Variants in AVP observed in about 807,000 individuals in gnomAD.
The protein encoded by AVP is vasopressin-neurophysin 2-copeptin.
A neutral mutation model predicts 11.1 loss-of-function variants in AVP; 9 were observed. The ratio of observed to expected loss-of-function variants is 0.81; its 90% confidence interval spans 0.49 to 1.42. AVP has a LOEUF of 1.42. Ranked by LOEUF, AVP falls within the 40% of genes most tolerant of loss-of-function variation. The pLI is 0.00. For synonymous variants in AVP, 106 were observed against 111.3 expected (o/e 0.95, Z 0.30); for missense variants, 206 against 238.5 (o/e 0.86, Z 0.90).
Position 3,082,564 on chromosome 20 carries a change from C to A in AVP, c.*66G>T. 1.6e-6 allele frequency: 2 copies of A among 1,214,270 alleles called. No homozygotes were observed. The highest frequency in any genetic ancestry group is 1.6e-5 in the African/African-American group (1 of 63,646). The allele number at this position is 1,214,270 out of a possible 1,614,324, so 75.2% of individuals were successfully genotyped here. On this transcript the variant is annotated 3_prime_UTR_variant, in exon 3 of 3. Transcript: ENST00000380293. The surrounding 1 kb of genome is among the most constrained non-coding windows in gnomAD (Gnocchi z 4.7). ...AGACAGACGCGAGGCCGTGCATTGGCGGAGGTTTATTGTCCGTGCTGCAGG... is the reference window on the plus strand; with the variant it reads ...AGACAGACGCGAGGCCGTGCATTGGAGGAGGTTTATTGTCCGTGCTGCAGG...
In AVP at chr20:3,082,827, G is replaced by A. The variant is rs974288244; in HGVS notation, c.323-25C>T. 6.5e-5 allele frequency: 79 copies of A among 1,223,992 alleles called. 1 individual carries two copies. The highest frequency in any genetic ancestry group is 4.8e-4 in the East Asian group (14 of 29,218). The allele number at this position is 1,223,992 out of a possible 1,614,324, so 75.8% of individuals were successfully genotyped here. On this transcript the variant is annotated intron_variant, in intron 2 of 2. Coordinates refer to ENST00000380293, the MANE Select transcript of AVP (RefSeq NM_000490.5). This position sits in a 1 kb window ranked among gnomAD's most constrained non-coding sequence, Gnocchi z 4.7. Reference sequence around the variant, plus strand: ...TCTGCCGGGAGGACGTGTGAGCACGGGCGCCCTGGGGCGGGCGCAGCTCGG... The same window carrying A: ...TCTGCCGGGAGGACGTGTGAGCACGAGCGCCCTGGGGCGGGCGCAGCTCGG...
At position 3,084,715 on chromosome 20, in the gene AVP, G is replaced by T; in HGVS notation, c.-41C>A. 1 of 1,610,560 alleles carries T rather than the reference G, an allele frequency of 6.2e-7. No individual in the cohort carries two copies. The highest frequency in any genetic ancestry group is 1.1e-5 in the South Asian group (1 of 91,074). On this transcript the variant is annotated 5_prime_UTR_variant, in exon 1 of 3. Transcript: ENST00000380293. ...TGGACCCCGTATGCAGCACTGCTTG[G>T]TGGCTCTGTGCTGCTGCCTCTGCTG...
rs758857620 is a variant in AVP at position 3,083,077 on chromosome 20, G to A, written c.222C>T (p.Arg74=). The A allele has an allele frequency of 1.9e-6, 3 of 1,562,824 alleles. No homozygotes were observed. Among genetic ancestry groups the A allele is most frequent in the South Asian group, 1.2e-5 (1 of 86,424 alleles). Residue 74 remains arginine, a synonymous_variant, in exon 2 of 3, where the codon CGC becomes CGT. Transcript: ENST00000380293. This position sits in a 1 kb window ranked among gnomAD's most constrained non-coding sequence, Gnocchi z 5.4. ...ACGGCAGGTAGTTCTCCTCCTGGCAGCGCAGCGCCTCAGCCGTGCCCACGA... is the reference window on the plus strand; with the variant it reads ...ACGGCAGGTAGTTCTCCTCCTGGCAACGCAGCGCCTCAGCCGTGCCCACGA... ...GCFVGTAEAL[R]CQEENYLPSP... is the part of the protein sequence containing the mutation.
intron 1 of AVP, among the ~76,000 whole-genome samples, chr20:3,084,205 G>A (rs1380574518): frequency 6.6e-6 from 1 of 152,174 alleles, no homozygotes; most frequent in Non-Finnish European, 1.5e-5. Context: ...GCCCCAGCCA[G>A]TCCAGATGCA....
At position 3,083,034 on chromosome 20, in the gene AVP, G is replaced by C. The variant is rs751535373; in HGVS notation, c.265C>G (p.Gln89Glu). 1 of 1,559,778 alleles carries C rather than the reference G, an allele frequency of 6.4e-7. No individual in the cohort carries two copies. ...CGGCCCCCGCTCCCGCACGCCTTCT[G>C]GCCGGACTGGCAGGGCGACGGCAGG... The part of the protein sequence containing the change: ...NYLPSPCQSG[Q>E]KACGSGGRCA... The change falls in exon 2 of 3, where the codon CAG (glutamine) becomes GAG (glutamate). Residue 89 changes from glutamine to glutamate, a missense_variant. By Grantham distance (29) the Gln-to-Glu change is conservative (BLOSUM62 2). Transcript: ENST00000380293. The surrounding 1 kb of genome is among the most constrained non-coding windows in gnomAD (Gnocchi z 5.4).
chr20:3,082,915 GC>G lies in AVP; in HGVS notation c.322+61del. The G allele has an allele frequency of 1.1e-5, 5 of 446,892 alleles. No homozygotes were observed. The highest frequency in any genetic ancestry group is 1.5e-5 in the Non-Finnish European group (5 of 326,026). The allele number at this position is 446,892 out of a possible 1,614,324, so 27.7% of individuals were successfully genotyped here. On this transcript the variant is annotated intron_variant, in intron 2 of 2. Transcript: ENST00000380293. This position sits in a 1 kb window ranked among gnomAD's most constrained non-coding sequence, Gnocchi z 4.7. ...GCAGCCCCCACCCCGCCGCAGGCCC[GC>G]GTCCCCCCCACCCAAGCGGTCTGCG...
rs1430208572 is a variant in AVP at position 3,084,582 on chromosome 20, C to T, written c.93G>A (p.Arg31=). The T allele has an allele frequency of 3.7e-6, 6 of 1,613,846 alleles. No individual in the cohort carries two copies. The Admixed American group carries it at 6.7e-5, about 18-fold the overall frequency. The change falls in exon 1 of 3, where the codon AGG becomes AGA. Residue 31 remains arginine (R), a synonymous_variant. Coordinates refer to ENST00000380293, the MANE Select transcript of AVP (RefSeq NM_000490.5). ...GTCTCAGCTCCAGGTCGGACATGGC[C>T]CTCTTGCCGCCCCTCGGGCAGTTCT... ...YFQNCPRGGK[R]AMSDLELRQC...
chr20:3,084,395 A>T (rs1429361181), intron 1 of AVP, among the ~76,000 whole-genome samples, 160 bp downstream of exon 1: 5 of 151,958 alleles, frequency 3.3e-5, no homozygotes, highest in Non-Finnish European at 7.4e-5. Context: ...GGCCCACCCC[A>T]TTGGCTCCTC....
rs1208534009 is a variant in AVP, at chr20:3,082,943, C to G, written c.322+34G>C. 2 of 1,225,052 alleles carry G rather than the reference C, an allele frequency of 1.6e-6. No individual in the cohort carries two copies. Among genetic ancestry groups the G allele is most frequent in the African/African-American group, 3.4e-5 (2 of 58,886 alleles). The allele number at this position is 1,225,052 out of a possible 1,614,324, so 75.9% of individuals were successfully genotyped here. Reference sequence around the variant, plus strand: ...TCCCCCCCACCCAAGCGGTCTGCGCCCCCCCCAGCCCCAGGCCCGCCCCCG... The same window carrying G: ...TCCCCCCCACCCAAGCGGTCTGCGCGCCCCCCAGCCCCAGGCCCGCCCCCG... On this transcript the variant is annotated intron_variant, in intron 2 of 2. Coordinates refer to ENST00000380293, the MANE Select transcript of AVP (RefSeq NM_000490.5). The surrounding 1 kb of genome is among the most constrained non-coding windows in gnomAD (Gnocchi z 4.7).
Position 3,083,293 on chromosome 20 carries a change from C to T in AVP, c.121-115G>A. 1 of 1,161,328 alleles carries T rather than the reference C, an allele frequency of 8.6e-7. No homozygotes were observed. The highest frequency in any genetic ancestry group is 2.1e-5 in the South Asian group (1 of 47,952). The allele number at this position is 1,161,328 out of a possible 1,614,324, so 71.9% of individuals were successfully genotyped here. The stretch of plus-strand genomic sequence containing the variant: ...AGGGCTCGGAGTGCGGGCGGGACAC[C>T]GGGGCTGCGGCTGCAGGCACGCTCG... On this transcript the variant is annotated intron_variant, in intron 1 of 2. Coordinates refer to ENST00000380293, the MANE Select transcript of AVP (RefSeq NM_000490.5). This position sits in a 1 kb window ranked among gnomAD's most constrained non-coding sequence, Gnocchi z 5.4.
In AVP at chr20:3,084,715, G is replaced by A; in HGVS notation, c.-41C>T. 4 of 1,610,560 alleles carry A rather than the reference G, an allele frequency of 2.5e-6. No individual in the cohort carries two copies. Among genetic ancestry groups the A allele is most frequent in the Non-Finnish European group, 3.4e-6 (4 of 1,179,960 alleles). On this transcript the variant is annotated 5_prime_UTR_variant, in exon 1 of 3. Transcript: ENST00000380293. Reference sequence around the variant, plus strand: ...TGGACCCCGTATGCAGCACTGCTTGGTGGCTCTGTGCTGCTGCCTCTGCTG... The same window carrying A: ...TGGACCCCGTATGCAGCACTGCTTGATGGCTCTGTGCTGCTGCCTCTGCTG...
At position 3,082,967 on chromosome 20, in the gene AVP, C is replaced by T. The variant is rs1480444510; in HGVS notation, c.322+10G>A. On this transcript the variant is annotated intron_variant, in intron 2 of 2. Transcript: ENST00000380293. The surrounding 1 kb of genome is among the most constrained non-coding windows in gnomAD (Gnocchi z 4.7). ...CCCCCCCCAGCCCCAGGCCCGCCCC[C>T]GCCGCGCACCGTCGTTGCAGCAAAC... is the stretch of plus-strand genomic sequence containing the variant. 1 of 1,444,124 alleles carries T rather than the reference C, an allele frequency of 6.9e-7. No homozygotes were observed. The highest frequency in any genetic ancestry group is 9.1e-7 in the Non-Finnish European group (1 of 1,103,868). The allele number at this position is 1,444,124 out of a possible 1,614,324, so 89.5% of individuals were successfully genotyped here.
At position 3,082,715 on chromosome 20, in the gene AVP, C is replaced by A; in HGVS notation, c.410G>T (p.Gly137Val). 7.7e-7 allele frequency: 1 copy of A among 1,290,366 alleles called. No individual in the cohort carries two copies. The highest frequency in any genetic ancestry group is 2.4e-5 in the South Asian group (1 of 41,316). 79.9% of individuals were successfully genotyped at this position (1,290,366 alleles called of 1,614,324 possible). ...SDRSNATQLD[G>V]PAGALLLRLV... Reference sequence around the variant, plus strand: ...CCGCAGCAGCAAGGCCCCGGCCGGCCCGTCCAGCTGCGTGGCGTTGCTCCG... The same window carrying A: ...CCGCAGCAGCAAGGCCCCGGCCGGCACGTCCAGCTGCGTGGCGTTGCTCCG... The change falls in exon 3 of 3, where the codon GGG becomes GTG. Residue 137 changes from glycine (G) to valine (V), a missense_variant. By Grantham distance (109) the Gly-to-Val change is moderately radical (BLOSUM62 -3). Around this residue, in one of 2 missense-constraint regions of AVP, gnomAD observed 106 missense variants for 89.2 expected, o/e 1.19. Coordinates refer to ENST00000380293, the MANE Select transcript of AVP (RefSeq NM_000490.5). This position sits in a 1 kb window ranked among gnomAD's most constrained non-coding sequence, Gnocchi z 4.7.
In AVP at chr20:3,083,852, C is replaced by T. The variant is rs2066124306; in HGVS notation, c.121-674G>A. On this transcript the variant is annotated intron_variant, in intron 1 of 2. Coordinates refer to ENST00000380293, the MANE Select transcript of AVP (RefSeq NM_000490.5). This position sits in a 1 kb window ranked among gnomAD's most constrained non-coding sequence, Gnocchi z 5.4. Reference sequence around the variant, plus strand: ...GAGGCTGCGGGGGTTGCCGAGCGGCCACTCTCATCTGCTCAACAGCCGGTT... The same window carrying T: ...GAGGCTGCGGGGGTTGCCGAGCGGCTACTCTCATCTGCTCAACAGCCGGTT... 6.6e-6 allele frequency among the ~76,000 whole-genome samples: 1 copy of T among 152,164 alleles called. No individual in the cohort carries two copies. Among genetic ancestry groups the T allele is most frequent in the Non-Finnish European group, 1.5e-5 (1 of 68,040 alleles).
chr20:3,082,703 G>A lies in AVP; in HGVS notation c.422C>T (p.Ala141Val), dbSNP rs566930108. 43 of 1,290,444 alleles carry A rather than the reference G, an allele frequency of 3.3e-5. No individual in the cohort carries two copies. In the African/African-American group the frequency reaches 5.0e-4, roughly 15 times the overall value. 79.9% of individuals were successfully genotyped at this position (1,290,444 alleles called of 1,614,324 possible). ...CAGCTGCACCAGCCGCAGCAGCAAG[G>A]CCCCGGCCGGCCCGTCCAGCTGCGT... is the stretch of plus-strand genomic sequence containing the variant. ...NATQLDGPAGALLLRLVQLAG... is the reference protein window; with the variant it reads ...NATQLDGPAGVLLLRLVQLAG... The change falls in exon 3 of 3, where the codon GCC (alanine) becomes GTC (valine). Residue 141 changes from alanine (A) to valine (V), a missense_variant. Coordinates refer to ENST00000380293, the MANE Select transcript of AVP (RefSeq NM_000490.5). This position sits in a 1 kb window ranked among gnomAD's most constrained non-coding sequence, Gnocchi z 4.7.
rs747008249 is a variant in AVP, at chr20:3,084,653, C to T, written c.22G>A (p.Ala8Thr). Residue 8 changes from alanine (A) to threonine (T), a missense_variant, in exon 1 of 3, where the codon GCC becomes ACC. Ala to Thr is a moderately conservative substitution (Grantham distance 58, BLOSUM62 0). Transcript: ENST00000380293. Reference sequence around the variant, plus strand: ...AAGGCCAGTAGGCCGAGGAAGCAGGCGGGCAGCATGGTGTCAGGCATCCTG... The same window carrying T: ...AAGGCCAGTAGGCCGAGGAAGCAGGTGGGCAGCATGGTGTCAGGCATCCTG... MPDTMLP[A>T]CFLGLLAFSS... 21 of 1,613,362 alleles carry T rather than the reference C, an allele frequency of 1.3e-5. No homozygotes were observed. Among genetic ancestry groups the T allele is most frequent in the Middle Eastern group, 1.6e-4 (1 of 6,080 alleles).
chr20:3,084,412 G>A, intron 1 of AVP, 143 bp downstream of exon 1: 1 of 1,460,544 alleles, frequency 6.8e-7, no homozygotes, highest in East Asian at 2.3e-5. Context: ...CCTCTGCCCA[G>A]CCATGCCATG....
At position 3,083,296 on chromosome 20, in the gene AVP, G is replaced by T; in HGVS notation, c.121-118C>A. 3 of 1,140,218 alleles carry T rather than the reference G, an allele frequency of 2.6e-6. No individual in the cohort carries two copies. The allele number at this position is 1,140,218 out of a possible 1,614,324, so 70.6% of individuals were successfully genotyped here. A position where few individuals can be genotyped will look rare whatever the true frequency, so the allele number is the denominator to read the frequency against. On this transcript the variant is annotated intron_variant, in intron 1 of 2. Coordinates refer to ENST00000380293, the MANE Select transcript of AVP (RefSeq NM_000490.5). The surrounding 1 kb of genome is among the most constrained non-coding windows in gnomAD (Gnocchi z 5.4). The stretch of plus-strand genomic sequence containing the variant: ...GCTCGGAGTGCGGGCGGGACACCGG[G>T]GCTGCGGCTGCAGGCACGCTCGGGC...
rs1326209292 is a variant in AVP at position 3,083,317 on chromosome 20, C to T, written c.121-139G>A. ...CCGGGGCTGCGGCTGCAGGCACGCT[C>T]GGGCGCCACTGGGCCTCGACCGCGG... On this transcript the variant is annotated intron_variant, in intron 1 of 2. Transcript: ENST00000380293. This position sits in a 1 kb window ranked among gnomAD's most constrained non-coding sequence, Gnocchi z 5.4. 9 of 979,294 alleles carry T rather than the reference C, an allele frequency of 9.2e-6. No homozygotes were observed. Among genetic ancestry groups the T allele is most frequent in the African/African-American group, 1.7e-5 (1 of 57,912 alleles). The allele number at this position is 979,294 out of a possible 1,614,324, so 60.7% of individuals were successfully genotyped here.
Sources: allele counts gnomAD v4.1 joint callset (sites outside exome capture counted in the v4.1 genomes callset), GRCh38; gene constraint gnomAD v4.1.1; regional missense constraint gnomAD v4.1.1; non-coding constraint Gnocchi (gnomAD v3.1); transcripts MANE v1.5; gene names NCBI Gene and HGNC (gene_info 2026-07-23, HGNC 2026-07-21).